The following FGF13 variants were observed in gnomAD, a reference collection of about 807,000 sequenced individuals.
FGF13 encodes fibroblast growth factor homologous factor 2.
FGF13 carries 2 observed loss-of-function variants against 19.5 expected under a neutral mutation model. The ratio of observed to expected loss-of-function variants is 0.10; its 90% confidence interval spans 0.04 to 0.32. The LOEUF is 0.32. Ranked by LOEUF, FGF13 falls within the 10% of genes least tolerant of loss-of-function variation. FGF13 has a pLI of 1.00. For synonymous variants in FGF13, 72 were observed against 76.9 expected (o/e 0.94, Z 0.33); for missense variants, 113 against 192.7 (o/e 0.59, Z 2.45).
intron 1 of FGF13, among the ~76,000 whole-genome samples, chrX:138,959,276 G>A (rs1225525583): frequency 9.0e-6 from 1 of 111,668 alleles, no homozygotes; most frequent in Non-Finnish European, 1.9e-5. Context: ...ATTTCGTTAT[G>A]TACCCAGGAG....
chrX:139,065,137 A>T (rs1277215767), intron 1 of FGF13, among the ~76,000 whole-genome samples: 1 of 110,753 alleles, frequency 9.0e-6, no homozygotes, highest in Non-Finnish European at 1.9e-5. Flanking sequence ...CCTGCCTTAC[A>T]AGAGCTCCTG....
intron 3 of FGF13, among the ~76,000 whole-genome samples, chrX:138,850,099 G>A (rs953701789): frequency 3.6e-5 from 4 of 111,008 alleles, no homozygotes; most frequent in African/African-American, 1.3e-4. Flanking sequence ...GGAGAGGGGA[G>A]GTCAGTTGCT....
chrX:139,094,772 T>G (rs1306057507), intron 1 of FGF13, among the ~76,000 whole-genome samples: 10 of 112,457 alleles, frequency 8.9e-5, no homozygotes, highest in Non-Finnish European at 7.5e-5. Context: ...GTCCTGAGTC[T>G]TGATGCAGGC....
At chrX:138,761,738 C>T (rs1413188096) in intron 3 of FGF13, among the ~76,000 whole-genome samples, 1 of 111,583 alleles carries the variant, frequency 9.0e-6, no homozygotes, top group African/African-American at 3.3e-5. Context: ...AGACTGCTTG[C>T]CAGCACTGGA....
chrX:138,800,975 G>T (rs759275597), intron 3 of FGF13, among the ~76,000 whole-genome samples: 2 of 112,067 alleles, frequency 1.8e-5, no homozygotes, highest in Non-Finnish European at 3.8e-5. Flanking sequence ...CTAGTTAGCA[G>T]TTCCTGTAAC....
At chrX:138,658,475 G>A (rs1242856437) in intron 3 of FGF13, among the ~76,000 whole-genome samples, 1 of 112,076 alleles carries the variant, frequency 8.9e-6, no homozygotes, top group Non-Finnish European at 1.9e-5. Context: ...ATTTAGGCTA[G>A]GTATATAAGT....
intron 1 of FGF13, among the ~76,000 whole-genome samples, chrX:139,145,860 T>C (rs1459925747): frequency 8.9e-6 from 1 of 112,117 alleles, no homozygotes; most frequent in Non-Finnish European, 1.9e-5. Flanking sequence ...GGCACATTTC[T>C]ATCTGAATTT....
chrX:138,929,273 G>A (rs746959092), intron 1 of FGF13, among the ~76,000 whole-genome samples: 1 of 86,125 alleles, frequency 1.2e-5, no homozygotes, highest in East Asian at 3.7e-4. Flanking sequence ...GTGTCTCTCT[G>A]TGTGTGTGTG....
intron 1 of FGF13, among the ~76,000 whole-genome samples, chrX:139,143,878 C>T (rs1169735914): frequency 9.0e-6 from 1 of 111,499 alleles, no homozygotes; most frequent in Non-Finnish European, 1.9e-5. Context: ...ATCAAACTCT[C>T]CAGTCTCCTA....
chrX:139,140,796 C>T (rs903087728), intron 1 of FGF13, among the ~76,000 whole-genome samples: 1 of 111,001 alleles, frequency 9.0e-6, no homozygotes, highest in East Asian at 2.8e-4. Context: ...TAACAATGCT[C>T]TCCATGATCT....
chrX:139,204,581 G>C (rs1324277824), upstream of FGF13, among the ~76,000 whole-genome samples: 2 of 112,910 alleles, frequency 1.8e-5, no homozygotes, highest in Non-Finnish European at 3.8e-5. Context: ...CCCGCGCACT[G>C]GCAGGCTGCT....
intron 1 of FGF13, among the ~76,000 whole-genome samples, chrX:138,738,627 C>T (rs1013685290): frequency 4.5e-5 from 5 of 111,445 alleles, no homozygotes; most frequent in Non-Finnish European, 9.4e-5. Context: ...TCTGCCTTGC[C>T]GCCATGGAGG....
At chrX:139,120,448 C>A (rs1473768657) in intron 1 of FGF13, among the ~76,000 whole-genome samples, 1 of 111,436 alleles carries the variant, frequency 9.0e-6, no homozygotes, top group East Asian at 2.8e-4. Flanking sequence ...GAAACTGAGG[C>A]TCAGAGATGT....
At chrX:139,155,462 C>T (rs1245203350) in intron 1 of FGF13, among the ~76,000 whole-genome samples, 1 of 111,856 alleles carries the variant, frequency 8.9e-6, no homozygotes, top group African/African-American at 3.3e-5. Context: ...GAAAGAAAGT[C>T]TCCCAAGTCA....
chrX:138,711,534 G>T lies in FGF13; in HGVS notation c.-531C>A. 1 of 756,227 alleles carries T rather than the reference G, an allele frequency of 1.3e-6. No individual in the cohort carries two copies. The highest frequency in any genetic ancestry group is 1.6e-6 in the Non-Finnish European group (1 of 640,155). 62.3% of individuals were successfully genotyped at this position (756,227 alleles called of 1,213,427 possible). ...AGCGCGCCCTCGCCCTGGCCCCTCC[G>T]AGTCTTCGACTAGTCCTTGCAACTT... On this transcript the variant is annotated 5_prime_UTR_variant, in exon 1 of 5. Transcript: ENST00000315930.
At chrX:139,196,014 C>T (rs1035451424) in intron 1 of FGF13, among the ~76,000 whole-genome samples, 1 of 110,593 alleles carries the variant, frequency 9.0e-6, no homozygotes, top group Non-Finnish European at 1.9e-5. Flanking sequence ...GAGCCCCATT[C>T]GGTTAATAAA....
chrX:138,920,669 T>C (rs764734034), intron 1 of FGF13, among the ~76,000 whole-genome samples: 1 of 111,668 alleles, frequency 9.0e-6, no homozygotes, highest in East Asian at 2.8e-4. Context: ...TGATGTGCTA[T>C]CAACTCTGCC....
intron 1 of FGF13, among the ~76,000 whole-genome samples, chrX:138,997,965 C>T (rs988130437): frequency 1.7e-4 from 19 of 111,608 alleles, no homozygotes; most frequent in Non-Finnish European, 2.6e-4. Context: ...AAGGGAAGCC[C>T]ATTGGACTAA....
At chrX:138,912,205 A>G (rs981720034) in intron 1 of FGF13, among the ~76,000 whole-genome samples, 2 of 112,039 alleles carry the variant, frequency 1.8e-5, no homozygotes, top group African/African-American at 3.2e-5. Context: ...ATTCACCCCA[A>G]TCTGTCTTCC....
Sources: gnomAD v4.1 joint callset for allele counts (sites outside exome capture counted in the v4.1 genomes callset) on GRCh38, gnomAD v4.1.1 for gene constraint, MANE v1.5 for transcripts, NCBI Gene and HGNC (gene_info 2026-07-23, HGNC 2026-07-21) for gene names.